The following GABBR2 variants were observed in gnomAD, a reference collection of about 807,000 sequenced individuals.
GABBR2 encodes gamma-aminobutyric acid type B receptor subunit 2.
Under a neutral mutation model 105.6 loss-of-function variants are expected in GABBR2, and 23 were observed. The observed-to-expected ratio is 0.22, with a 90% confidence interval of 0.16 to 0.31. The LOEUF (loss-of-function observed/expected upper bound fraction) is 0.31, where lower values mean the gene tolerates loss of function less well. Among genes scored for constraint, GABBR2 ranks in the 10% least tolerant of loss-of-function variants. The pLI is 1.00. For synonymous variants in GABBR2, 478 were observed against 499.7 expected (o/e 0.96, Z 0.58); for missense variants, 734 against 1,245.5 (o/e 0.59, Z 6.18).
rs1475941208 is a variant in GABBR2 at position 98,556,861 on chromosome 9, T to C, written c.460-14818A>G. Among the ~76,000 whole-genome samples, 4 of 152,070 alleles carry C rather than the reference T, an allele frequency of 2.6e-5. No individual in the cohort carries two copies. The East Asian group carries it at 7.8e-4, about 29-fold the overall frequency. ...GGAAGTGGAGACCAGTCTGGGCAAA[T>C]TGGCAAAACCCCATCTCTATGGAAA... On this transcript the variant is annotated intron_variant, in intron 2 of 18. Coordinates refer to ENST00000259455, the MANE Select transcript of GABBR2 (RefSeq NM_005458.8).
intron 3 of GABBR2, among the ~76,000 whole-genome samples, chr9:98,507,937 G>A (rs531982048): frequency 8.5e-5 from 13 of 152,208 alleles, no homozygotes; most frequent in Admixed American, 8.5e-4. Flanking sequence ...CTTCCCTTTG[G>A]CCCTCATTTT....
rs117880693 is a variant in GABBR2 at position 98,605,367 on chromosome 9, C to T, written c.322-27295G>A. Among the ~76,000 whole-genome samples the T allele has an allele frequency of 6.5e-4, 99 of 152,342 alleles. No individual in the cohort carries two copies. The East Asian group carries it at 0.013, about 20-fold the overall frequency. The stretch of plus-strand genomic sequence containing the variant: ...TGGTATAAGCTGCCATTCCCCAGGA[C>T]GGTACTGCAGATCTGCAGTGGGCCA... On this transcript the variant is annotated intron_variant, in intron 1 of 18. Transcript: ENST00000259455.
chr9:98,368,712 A>G (rs563527390), intron 12 of GABBR2, among the ~76,000 whole-genome samples: 16 of 152,338 alleles, frequency 1.1e-4, no homozygotes, highest in African/African-American at 3.6e-4. Flanking sequence ...AAAGGAACCA[A>G]TACTGTGCTT....
chr9:98,555,757 G>C (rs944452858), intron 2 of GABBR2: 3 of 152,342 alleles, frequency 2.0e-5, no homozygotes, highest in African/African-American at 7.2e-5. Flanking sequence ...GCCCCAGCTC[G>C]AGTCTTTGAG....
intron 2 of GABBR2, among the ~76,000 whole-genome samples, chr9:98,542,553 C>A (rs189176808): frequency 1.6e-4 from 25 of 152,232 alleles, no homozygotes; most frequent in Middle Eastern, 3.4e-3. Context: ...CTACAGGCAT[C>A]TTTGTACATA....
At chr9:98,298,780 A>C (rs1830422019) in intron 17 of GABBR2, among the ~76,000 whole-genome samples, 1 of 152,200 alleles carries the variant, frequency 6.6e-6, no homozygotes, top group Non-Finnish European at 1.5e-5. Flanking sequence ...TGTAGCTTGC[A>C]ATTCCCAAGT....
At chr9:98,578,123 CCAGGGG>C in intron 1 of GABBR2, 51 bp from the exon 2 acceptor site, 1 of 1,601,526 alleles carries the variant, frequency 6.2e-7, no homozygotes, top group South Asian at 1.1e-5. Flanking sequence ...CAGCTTTTCC[CCAGGGG>C]CATGAGCCCA....
intron 12 of GABBR2, among the ~76,000 whole-genome samples, chr9:98,366,849 T>A (rs1831685561): frequency 6.6e-6 from 1 of 152,202 alleles, no homozygotes; most frequent in African/African-American, 2.4e-5. Flanking sequence ...AACCCAGTCA[T>A]ATTTGTAGTG....
intron 1 of GABBR2, among the ~76,000 whole-genome samples, chr9:98,657,486 C>G (rs994591318): frequency 6.6e-6 from 1 of 152,140 alleles, no homozygotes; most frequent in African/African-American, 2.4e-5. Context: ...CCTGTGGAAC[C>G]CTGGCCAGGG....
At chr9:98,400,679 A>AG (rs937601111) in intron 8 of GABBR2, among the ~76,000 whole-genome samples, 1 of 152,238 alleles carries the variant, frequency 6.6e-6, no homozygotes, top group African/African-American at 2.4e-5. Context: ...TGGCTCCTGC[A>AG]GGGAGCAGGG....
intron 1 of GABBR2, among the ~76,000 whole-genome samples, chr9:98,636,958 G>A (rs1481068650): frequency 6.6e-6 from 1 of 152,104 alleles, no homozygotes; most frequent in African/African-American, 2.4e-5. Context: ...GTCTATAGTA[G>A]AGCCAAGGAA....
chr9:98,662,338 T>C (rs1489313499), intron 1 of GABBR2, among the ~76,000 whole-genome samples: 1 of 152,136 alleles, frequency 6.6e-6, no homozygotes, highest in Non-Finnish European at 1.5e-5. Flanking sequence ...TTTGAGAGGT[T>C]TGAGTGAAGC....
chr9:98,633,626 C>CAAAAAA (rs11301472), intron 1 of GABBR2, among the ~76,000 whole-genome samples: 1 of 84,330 alleles, frequency 1.2e-5, no homozygotes, highest in Admixed American at 1.2e-4. Context: ...GACTCCATCT[C>CAAAAAA]AAAAAAAAAA....
intron 1 of GABBR2, among the ~76,000 whole-genome samples, chr9:98,647,186 C>T (rs1830036890): frequency 6.6e-6 from 1 of 152,244 alleles, no homozygotes; most frequent in Non-Finnish European, 1.5e-5. Context: ...TAGAGCTCAC[C>T]TCTAGGAAGA....
intron 1 of GABBR2, among the ~76,000 whole-genome samples, chr9:98,677,445 AT>A (rs996127020): frequency 1.3e-5 from 2 of 151,892 alleles, no homozygotes; most frequent in Non-Finnish European, 2.9e-5. Context: ...ATTTTTCAGA[AT>A]TTTTTTTCTG....
At chr9:98,464,704 G>C (rs1826509267) in intron 6 of GABBR2, among the ~76,000 whole-genome samples, 1 of 152,212 alleles carries the variant, frequency 6.6e-6, no homozygotes, top group South Asian at 2.1e-4. Flanking sequence ...AAAAGAAAGA[G>C]AGATCAGATT....
At chr9:98,364,899 C>T (rs1258723491) in intron 12 of GABBR2, among the ~76,000 whole-genome samples, 1 of 152,176 alleles carries the variant, frequency 6.6e-6, no homozygotes, top group Non-Finnish European at 1.5e-5. Context: ...CCACACCTGG[C>T]TGGGGCAGTG....
intron 3 of GABBR2, among the ~76,000 whole-genome samples, chr9:98,499,247 T>C (rs1221085956): frequency 6.6e-6 from 1 of 152,250 alleles, no homozygotes; most frequent in Non-Finnish European, 1.5e-5. Context: ...AAGCTATATA[T>C]AAACATGGCA....
Position 98,450,794 on chromosome 9 carries a change from G to A in GABBR2, c.1236+3187C>T, listed in dbSNP as rs565046444. Among the ~76,000 whole-genome samples the A allele has an allele frequency of 5.9e-5, 9 of 152,302 alleles. No individual in the cohort carries two copies. The South Asian group carries it at 1.0e-3, about 18-fold the overall frequency. Reference sequence around the variant, plus strand: ...TTAAAAAGAAACTCATCCTCAAGCCGTGGAGAACATTTCAGGCAGTCTATC... The same window carrying A: ...TTAAAAAGAAACTCATCCTCAAGCCATGGAGAACATTTCAGGCAGTCTATC... On this transcript the variant is annotated intron_variant, in intron 7 of 18. Coordinates refer to ENST00000259455, the MANE Select transcript of GABBR2 (RefSeq NM_005458.8).
Sources: allele counts gnomAD v4.1 joint callset (sites outside exome capture counted in the v4.1 genomes callset), GRCh38; gene constraint gnomAD v4.1.1; transcripts MANE v1.5; gene names NCBI Gene and HGNC (gene_info 2026-07-23, HGNC 2026-07-21).